Variants in DRC9 observed in about 807,000 individuals in gnomAD.
DRC9 encodes dynein regulatory complex protein 9.
the DRC9 span, among the ~76,000 whole-genome samples, chr3:197,904,009 T>C: frequency 3.7e-4 from 35 of 94,844 alleles, no homozygotes; most frequent in Admixed American, 1.3e-3. Context: ...TATACATACA[T>C]ATATATATAC....
At chr3:197,898,668 G>A in the DRC9 span, among the ~76,000 whole-genome samples, 2 of 152,202 alleles carry the variant, frequency 1.3e-5, no homozygotes, top group Admixed American at 6.5e-5. Flanking sequence ...GAGAGAGAAC[G>A]AGTGCCGAGC....
At chr3:197,925,382 C>T in the DRC9 span, among the ~76,000 whole-genome samples, 1 of 84,800 alleles carries the variant, frequency 1.2e-5, no homozygotes, top group Non-Finnish European at 2.2e-5. Context: ...GGGACGAGGT[C>T]ATCTGTGGGG....
chr3:197,933,467 C>T, the DRC9 span, among the ~76,000 whole-genome samples: 18 of 151,692 alleles, frequency 1.2e-4, no homozygotes, highest in Non-Finnish European at 2.5e-4. Context: ...ACAAAAAAAC[C>T]GCAAAAGTTT....
the DRC9 span, among the ~76,000 whole-genome samples, chr3:197,936,325 A>T: frequency 6.6e-6 from 1 of 152,186 alleles, no homozygotes; most frequent in Admixed American, 6.6e-5. Context: ...TTCCCATTTT[A>T]AATTCATAAA....
the DRC9 span, chr3:197,938,650 C>T: frequency 6.3e-5 from 101 of 1,614,066 alleles, no homozygotes; most frequent in African/African-American, 1.0e-3. Flanking sequence ...CACAGCGAAC[C>T]GGCCTCTGTG....
the DRC9 span, chr3:197,891,605 A>AG: frequency 2.2e-6 from 2 of 892,426 alleles, no homozygotes; most frequent in Non-Finnish European, 3.6e-6. Flanking sequence ...GCTGTAGCCC[A>AG]GCCAGCCCTG....
At chr3:197,943,564 G>A in the DRC9 span, among the ~76,000 whole-genome samples, 2 of 151,750 alleles carry the variant, frequency 1.3e-5, no homozygotes, top group African/African-American at 4.8e-5. Context: ...ACTTGAGCCT[G>A]GGAGGTAGAG....
At chr3:197,901,349 G>T in the DRC9 span, among the ~76,000 whole-genome samples, 2 of 152,158 alleles carry the variant, frequency 1.3e-5, no homozygotes, top group Non-Finnish European at 1.5e-5. The surrounding 1 kb of genome is among the most constrained non-coding windows in gnomAD (Gnocchi z 4.4). Context: ...TGTTAGCCAG[G>T]TTGGTCTCAA....
At chr3:197,945,170 T>C in the DRC9 span, among the ~76,000 whole-genome samples, 1 of 152,146 alleles carries the variant, frequency 6.6e-6, no homozygotes, top group Non-Finnish European at 1.5e-5. Flanking sequence ...GGCTAGGTGA[T>C]AAAAGACATT....
At chr3:197,892,926 G>A in the DRC9 span, among the ~76,000 whole-genome samples, 1 of 151,982 alleles carries the variant, frequency 6.6e-6, no homozygotes, top group African/African-American at 2.4e-5. Flanking sequence ...GATTGGGAAT[G>A]GGGGTGAGGG....
the DRC9 span, among the ~76,000 whole-genome samples, chr3:197,901,413 T>C: frequency 2.0e-5 from 3 of 152,202 alleles, no homozygotes; most frequent in African/African-American, 4.8e-5. The surrounding 1 kb of genome is among the most constrained non-coding windows in gnomAD (Gnocchi z 4.4). Flanking sequence ...GCTGGGATTA[T>C]AGGCATGAGC....
chr3:197,952,328 CCTGT>C, the DRC9 span, among the ~76,000 whole-genome samples: 1 of 151,674 alleles, frequency 6.6e-6, no homozygotes, highest in Non-Finnish European at 1.5e-5. Flanking sequence ...CGCCACCATG[CCTGT>C]CTAATTTTTG....
At chr3:197,942,894 A>C in the DRC9 span, among the ~76,000 whole-genome samples, 22 of 141,606 alleles carry the variant, frequency 1.6e-4, no homozygotes, top group Admixed American at 1.6e-3. Flanking sequence ...ACTCCATCTC[A>C]AAAAAAAAAA....
the DRC9 span, among the ~76,000 whole-genome samples, chr3:197,904,813 T>C: frequency 6.6e-6 from 1 of 152,082 alleles, no homozygotes; most frequent in African/African-American, 2.4e-5. Flanking sequence ...TGAGCCAAGA[T>C]TGTGGGCAAC....
At chr3:197,938,317 CAA>C in the DRC9 span, among the ~76,000 whole-genome samples, 26 of 114,328 alleles carry the variant, frequency 2.3e-4, no homozygotes, top group Admixed American at 2.8e-4. Context: ...AACTCCATCT[CAA>C]AAAAAAAAAA....
At chr3:197,892,833 C>G in the DRC9 span, 1 of 1,565,176 alleles carries the variant, frequency 6.4e-7, no homozygotes, top group Non-Finnish European at 8.7e-7. Context: ...TCCACTTATA[C>G]GAGTTTCAAG....
the DRC9 span, among the ~76,000 whole-genome samples, chr3:197,942,385 CAAAAAAAAAAAAAAAAAAAA>C: frequency 5.9e-5 from 1 of 17,050 alleles, no homozygotes. Context: ...CTCCGTCTCA[CAAAAAAAAAAAAAAAAAAAA>C]AAAAAAAAAA....
At chr3:197,900,785 G>C in the DRC9 span, among the ~76,000 whole-genome samples, 3 of 152,354 alleles carry the variant, frequency 2.0e-5, no homozygotes, top group Middle Eastern at 3.4e-3. This position sits in a 1 kb window ranked among gnomAD's most constrained non-coding sequence, Gnocchi z 4.7. Context: ...GCAGAGTCAT[G>C]AGGCCCCCAC....
At chr3:197,901,982 G>A in the DRC9 span, among the ~76,000 whole-genome samples, 1 of 152,198 alleles carries the variant, frequency 6.6e-6, no homozygotes, top group African/African-American at 2.4e-5. The surrounding 1 kb of genome is among the most constrained non-coding windows in gnomAD (Gnocchi z 4.4). Flanking sequence ...GTGGTCACCA[G>A]GGGGCTTGTG....
Sources: gnomAD v4.1 joint callset for allele counts (sites outside exome capture counted in the v4.1 genomes callset) on GRCh38, gnomAD v4.1.1 for gene constraint, Gnocchi (gnomAD v3.1) non-coding constraint, MANE v1.5 for transcripts, NCBI Gene and HGNC (gene_info 2026-07-23, HGNC 2026-07-21) for gene names.